The following FHL1 variants were observed in gnomAD, a reference collection of about 807,000 sequenced individuals.
FHL1 encodes the protein four and a half LIM domains protein 1.
Under a neutral mutation model 20.3 loss-of-function variants are expected in FHL1, and 1 was observed. That is an observed-to-expected ratio of 0.05 (90% confidence interval 0.02 to 0.23). The LOEUF (loss-of-function observed/expected upper bound fraction) is 0.23. Ranked by LOEUF, FHL1 falls within the 10% of genes least tolerant of loss-of-function variation. FHL1 has a pLI of 1.00. For synonymous variants in FHL1, 82 were observed against 88.9 expected, an observed-to-expected ratio of 0.92 and a Z score of 0.44; for missense variants, 177 against 234.0, an observed-to-expected ratio of 0.76 and a Z score of 1.59.
At chrX:136,148,141 G>C (rs1310624038) in intron 1 of FHL1, 4 of 103,703 alleles carry the variant, frequency 3.9e-5, no homozygotes, top group Non-Finnish European at 7.9e-5. Flanking sequence ...GGGTGAGGAT[G>C]AAGCGGTGGG....
rs758636103 is a variant in FHL1 at position 136,170,510 on chromosome X, C to T, written c.-27+530C>T. Among the ~76,000 whole-genome samples, 6 of 111,273 alleles carry T rather than the reference C, an allele frequency of 5.4e-5. No homozygotes were observed. In the South Asian group the frequency reaches 2.3e-3, roughly 43 times the overall value. Reference sequence around the variant, plus strand: ...GTCCAGGAGATTTTCTTCTGATTTGCCCTCAAGTTCAGAACAACCTGTGGG... The same window carrying T: ...GTCCAGGAGATTTTCTTCTGATTTGTCCTCAAGTTCAGAACAACCTGTGGG... On this transcript the variant is annotated intron_variant, in intron 2 of 6. Transcript: ENST00000394153.
intron 1 of FHL1, among the ~76,000 whole-genome samples, chrX:136,158,354 T>C (rs2072475885): frequency 8.9e-6 from 1 of 112,044 alleles, no homozygotes; most frequent in Non-Finnish European, 1.9e-5. Context: ...TGTCACCTTC[T>C]AGAAAAATCC....
intron 1 of FHL1, among the ~76,000 whole-genome samples, chrX:136,152,306 A>T (rs1297066327): frequency 8.9e-6 from 1 of 112,532 alleles, no homozygotes; most frequent in Non-Finnish European, 1.9e-5. Context: ...CACAACTAAT[A>T]AGCAGCAAGG....
At chrX:136,168,997 A>G (rs1251143964), upstream of FHL1, among the ~76,000 whole-genome samples, 1 of 111,533 alleles carries the variant, frequency 9.0e-6, no homozygotes, top group Non-Finnish European at 1.9e-5. Flanking sequence ...GAAAAAACAG[A>G]CTGGGTCCCC....
upstream of FHL1, among the ~76,000 whole-genome samples, chrX:136,165,229 A>G (rs1427717925): frequency 9.0e-6 from 1 of 111,351 alleles, no homozygotes; most frequent in Non-Finnish European, 1.9e-5. Flanking sequence ...TGTAGATCTT[A>G]ATTATGTTGG....
chrX:136,196,650 T>A, upstream of FHL1: 1 of 446,123 alleles, frequency 2.2e-6, no homozygotes, highest in East Asian at 3.7e-5. Context: ...AACATAAGTC[T>A]ATCTCTTAGA....
chrX:136,196,825 T>C, upstream of FHL1: 1 of 1,167,544 alleles, frequency 8.6e-7, no homozygotes, highest in Non-Finnish European at 1.1e-6. Context: ...GTGGCCTCTC[T>C]GGCTCTGGAG....
chrX:136,204,882 A>G (rs1321239600), intron 1 of FHL1: 1 of 112,160 alleles, frequency 8.9e-6, no homozygotes, highest in Non-Finnish European at 1.9e-5. Flanking sequence ...TATAAAAAAA[A>G]CCTGGGAATG....
chrX:136,148,835 A>G (rs1296877116), intron 1 of FHL1: 1 of 112,571 alleles, frequency 8.9e-6, no homozygotes, highest in African/African-American at 3.2e-5. Flanking sequence ...CCAGGTTTGG[A>G]TTTTGAATTT....
intron 1 of FHL1, among the ~76,000 whole-genome samples, chrX:136,198,190 T>G: frequency 9.1e-6 from 1 of 109,386 alleles, no homozygotes; most frequent in East Asian, 2.9e-4. Context: ...TTCACAAACA[T>G]GGTACCAAAT....
At chrX:136,187,338 C>G (rs1401977836) in intron 2 of FHL1, among the ~76,000 whole-genome samples, 1 of 110,269 alleles carries the variant, frequency 9.1e-6, no homozygotes, top group Non-Finnish European at 1.9e-5. Context: ...TGGAAATAAA[C>G]CCATGCAAAA....
intron 1 of FHL1, among the ~76,000 whole-genome samples, chrX:136,198,257 T>C (rs1484541644): frequency 9.0e-6 from 1 of 111,167 alleles, no homozygotes; most frequent in Non-Finnish European, 1.9e-5. Context: ...GGCAAACTAG[T>C]CAGCTGTGCT....
At chrX:136,159,314 G>A (rs1020285382) in intron 1 of FHL1, among the ~76,000 whole-genome samples, 1 of 111,131 alleles carries the variant, frequency 9.0e-6, no homozygotes, top group Non-Finnish European at 1.9e-5. Context: ...GGCTGAGGTG[G>A]GTGGATCACT....
chrX:136,183,639 T>G (rs2073220202), intron 2 of FHL1, among the ~76,000 whole-genome samples: 1 of 112,541 alleles, frequency 8.9e-6, no homozygotes, highest in Non-Finnish European at 1.9e-5. Flanking sequence ...ATTCTGCAGT[T>G]CATACATGCA....
At chrX:136,167,396 G>A (rs181637035), upstream of FHL1, among the ~76,000 whole-genome samples, 371 of 109,322 alleles carry the variant, frequency 3.4e-3, 1 homozygote, top group African/African-American at 0.012. Context: ...TGGTAGAGAC[G>A]GGGTTTCATC....
At chrX:136,204,234 A>G (rs2073784927) in intron 1 of FHL1, among the ~76,000 whole-genome samples, 1 of 112,717 alleles carries the variant, frequency 8.9e-6, no homozygotes, top group Admixed American at 9.4e-5. Flanking sequence ...TGGTTTCTCA[A>G]CTCAGCCCTT....
chrX:136,166,066 T>C (rs986491252), upstream of FHL1, among the ~76,000 whole-genome samples: 3 of 112,166 alleles, frequency 2.7e-5, no homozygotes, highest in Non-Finnish European at 5.6e-5. Context: ...ACTTGCACAA[T>C]GTTGTCAACG....
chrX:136,203,653 T>C (rs10521781), intron 1 of FHL1, among the ~76,000 whole-genome samples: 2,138 of 112,225 alleles, frequency 0.019, 40 homozygotes, highest in African/African-American at 0.064. Context: ...TCTAGAACTA[T>C]GAGACTAAAC....
intron 5 of FHL1, among the ~76,000 whole-genome samples, chrX:136,209,652 C>G (rs1438376670): frequency 1.8e-5 from 2 of 110,305 alleles, no homozygotes; most frequent in Non-Finnish European, 3.8e-5. Flanking sequence ...AGAGCCACAG[C>G]AGGGTTGCGG....
Sources: allele counts gnomAD v4.1 joint callset (sites outside exome capture counted in the v4.1 genomes callset), GRCh38; gene constraint gnomAD v4.1.1; transcripts MANE v1.5; gene names NCBI Gene and HGNC (gene_info 2026-07-23, HGNC 2026-07-21).